The following PRRT1B variants were observed in gnomAD, a reference collection of about 807,000 sequenced individuals.
The protein encoded by PRRT1B is proline rich transmembrane protein 1B, also known as dispanin subfamily D member 2.
chr9:131,548,253 C>A (rs910162388), intron 1 of PRRT1B, among the ~76,000 whole-genome samples: 1 of 152,036 alleles, frequency 6.6e-6, no homozygotes, highest in African/African-American at 2.4e-5. Context: ...GCATCCCCCA[C>A]CCCTTCTCTC....
intron 1 of PRRT1B, among the ~76,000 whole-genome samples, chr9:131,553,460 C>A (rs371886067): frequency 2.0e-5 from 3 of 152,214 alleles, no homozygotes; most frequent in African/African-American, 7.2e-5. Context: ...AACAGCGTGG[C>A]AGGTGTATGG....
chr9:131,553,376 C>T (rs1406786347), intron 1 of PRRT1B, among the ~76,000 whole-genome samples: 6 of 152,346 alleles, frequency 3.9e-5, no homozygotes, highest in South Asian at 2.1e-4. Flanking sequence ...GTGCAAAGCA[C>T]GTCACATGGT....
chr9:131,547,445 A>G (rs1419467416), intron 1 of PRRT1B, among the ~76,000 whole-genome samples: 1 of 152,090 alleles, frequency 6.6e-6, no homozygotes, highest in African/African-American at 2.4e-5. Context: ...GCCCACCAGA[A>G]AAGAACCCCC....
At position 131,551,797 on chromosome 9, in the gene PRRT1B, G is replaced by C. The variant is rs113667202; in HGVS notation, c.26-2760G>C. ...TTGACTGTAATTTTCCTTTACCTAC[G>C]CAAATCCTATAAGACGGCCCACCCC... On this transcript the variant is annotated intron_variant, in intron 1 of 3. Transcript: ENST00000636672. This position sits in a 1 kb window ranked among gnomAD's most constrained non-coding sequence, Gnocchi z 4.4. Among the ~76,000 whole-genome samples the C allele has an allele frequency of 2.2e-5, 3 of 135,900 alleles. No homozygotes were observed. The highest frequency in any genetic ancestry group is 3.2e-5 in the Non-Finnish European group (2 of 62,612). The allele number at this position is 135,900 out of a possible 152,430, so 89.2% of individuals were successfully genotyped here.
At chr9:131,554,450 G>A in intron 1 of PRRT1B, 107 bp from the exon 2 acceptor site, 1 of 363,706 alleles carries the variant, frequency 2.7e-6, no homozygotes, top group East Asian at 3.9e-5. Context: ...ATCCTATGAG[G>A]CCCAGCTGCA....
At chr9:131,550,356 C>A (rs1299636664) in intron 1 of PRRT1B, among the ~76,000 whole-genome samples, 1 of 152,154 alleles carries the variant, frequency 6.6e-6, no homozygotes, top group African/African-American at 2.4e-5. Context: ...CACCCTTCAT[C>A]CCAGCCTCTC....
chr9:131,554,453 C>T, intron 1 of PRRT1B, 104 bp from the exon 2 acceptor site: 2 of 363,876 alleles, frequency 5.5e-6, no homozygotes, highest in Non-Finnish European at 9.8e-6. Context: ...CTATGAGGCC[C>T]AGCTGCAGAG....
At chr9:131,550,235 T>C (rs111689395) in intron 1 of PRRT1B, among the ~76,000 whole-genome samples, 19,622 of 152,154 alleles carry the variant, frequency 0.13, 1,488 homozygotes, top group Middle Eastern at 0.26. Flanking sequence ...AATTGTTTTG[T>C]CTATCCACCC....
In PRRT1B at chr9:131,551,430, G is replaced by A. The variant is rs1472902782; in HGVS notation, c.26-3127G>A. Reference sequence around the variant, plus strand: ...GCTTGAAGCAGCCCTGAGAAACATCGCCCATTATCTCTCCATACCACCCCC... The same window carrying A: ...GCTTGAAGCAGCCCTGAGAAACATCACCCATTATCTCTCCATACCACCCCC... On this transcript the variant is annotated intron_variant, in intron 1 of 3. Coordinates refer to ENST00000636672, the Ensembl canonical transcript of PRRT1B. The surrounding 1 kb of genome is among the most constrained non-coding windows in gnomAD (Gnocchi z 4.4). Among the ~76,000 whole-genome samples, 2 of 151,812 alleles carry A rather than the reference G, an allele frequency of 1.3e-5. No homozygotes were observed. Among genetic ancestry groups the A allele is most frequent in the African/African-American group, 4.8e-5 (2 of 41,274 alleles).
intron 1 of PRRT1B, among the ~76,000 whole-genome samples, chr9:131,549,762 C>T (rs552553845): frequency 3.3e-5 from 5 of 152,330 alleles, no homozygotes; most frequent in African/African-American, 1.2e-4. Flanking sequence ...TCTTAAAACT[C>T]CCCAACTCTG....
exon 4 of PRRT1B, chr9:131,558,485 C>A (rs980460479): frequency 3.3e-6 from 1 of 305,078 alleles, no homozygotes; most frequent in Non-Finnish European, 6.0e-6. Flanking sequence ...CACCAGAGCC[C>A]CATTTCCCAG....
At chr9:131,550,065 T>G (rs924897086) in intron 1 of PRRT1B, among the ~76,000 whole-genome samples, 31 of 152,018 alleles carry the variant, frequency 2.0e-4, no homozygotes, top group Non-Finnish European at 5.9e-5. Context: ...CAATATCCCA[T>G]CCCACAGCAC....
At chr9:131,552,623 T>G (rs1235015151) in intron 1 of PRRT1B, among the ~76,000 whole-genome samples, 1 of 151,844 alleles carries the variant, frequency 6.6e-6, no homozygotes, top group African/African-American at 2.4e-5. Flanking sequence ...TTTTTTAGGC[T>G]GGTCTGGGTT....
intron 1 of PRRT1B, among the ~76,000 whole-genome samples, chr9:131,548,283 T>A (rs1188920837): frequency 1.3e-5 from 2 of 152,076 alleles, no homozygotes; most frequent in African/African-American, 4.8e-5. Context: ...ACCCTTCTTT[T>A]TAAACTTGTC....
At chr9:131,546,883 C>T (rs1950979008) in intron 1 of PRRT1B, among the ~76,000 whole-genome samples, 1 of 152,074 alleles carries the variant, frequency 6.6e-6, no homozygotes, top group Non-Finnish European at 1.5e-5. Flanking sequence ...ATAGCTGGGG[C>T]AGGGACACCA....
At chr9:131,557,900 C>T (rs1951060708) in intron 3 of PRRT1B, among the ~76,000 whole-genome samples, 153 bp from the exon 4 acceptor site, 1 of 152,266 alleles carries the variant, frequency 6.6e-6, no homozygotes, top group South Asian at 2.1e-4. Context: ...TCACGCCTGC[C>T]CCCTTTCGAG....
chr9:131,555,992 G>C, intron 2 of PRRT1B, 78 bp from the exon 3 acceptor site: 1 of 398,996 alleles, frequency 2.5e-6, no homozygotes, highest in Non-Finnish European at 4.4e-6. Context: ...AGCTTGCATG[G>C]CCTGGCTGGC....
intron 1 of PRRT1B, among the ~76,000 whole-genome samples, chr9:131,552,600 G>A (rs1314660501): frequency 6.6e-6 from 1 of 151,914 alleles, no homozygotes; most frequent in Non-Finnish European, 1.5e-5. Context: ...ACTTGGGTCA[G>A]TTTTCAGAGT....
At chr9:131,558,332 A>G (rs1951063949) in exon 4 of PRRT1B, 3 of 398,210 alleles carry the variant, frequency 7.5e-6, no homozygotes, top group Non-Finnish European at 1.3e-5. Flanking sequence ...TGGGGGCCAG[A>G]AGAGGGCAGG....
Sources: gnomAD v4.1 joint callset for allele counts (sites outside exome capture counted in the v4.1 genomes callset) on GRCh38, gnomAD v4.1.1 for gene constraint, Gnocchi (gnomAD v3.1) non-coding constraint, MANE v1.5 for transcripts, NCBI Gene and HGNC (gene_info 2026-07-23, HGNC 2026-07-21) for gene names.